RCL1: variants seen among roughly 807,000 people sequenced by gnomAD.
The protein encoded by RCL1 is RNA terminal phosphate cyclase like 1.
In RCL1, 24 loss-of-function variants were observed where a neutral mutation model predicts 42.4. That is an observed-to-expected ratio of 0.57 (90% confidence interval 0.41 to 0.80). The LOEUF (loss-of-function observed/expected upper bound fraction) is 0.80, where lower values mean the gene tolerates loss of function less well. Among genes scored for constraint, RCL1 ranks in the 30% least tolerant of loss-of-function variants. The probability of loss-of-function intolerance (pLI) is 0.00; values close to 1 mark genes in which losing one functional copy is unlikely to be tolerated. For missense variants in RCL1, 578 were observed against 467.9 expected (o/e 1.24, Z -2.17); for synonymous variants, 228 against 177.3 (o/e 1.29, Z -2.27).
intron 4 of RCL1, 142 bp from the exon 5 acceptor site, chr9:4,833,999 C>T: frequency 3.3e-6 from 3 of 905,866 alleles, no homozygotes; most frequent in Non-Finnish European, 4.8e-6. Context: ...TGCTGTTGGT[C>T]TTGAAGGGAA....
chr9:4,831,075 T>G (rs1816926768), intron 3 of RCL1, among the ~76,000 whole-genome samples: 1 of 152,144 alleles, frequency 6.6e-6, no homozygotes. Flanking sequence ...GGGAATTGTC[T>G]AGGGTCTAAC....
chr9:4,835,033 A>G (rs1587719343), intron 5 of RCL1, among the ~76,000 whole-genome samples: 2 of 152,340 alleles, frequency 1.3e-5, no homozygotes, highest in Middle Eastern at 6.8e-3. Flanking sequence ...AGAAAGGAGG[A>G]GGGCTTCAGG....
At chr9:4,833,867 A>G (rs1373702235) in intron 4 of RCL1, among the ~76,000 whole-genome samples, 1 of 152,260 alleles carries the variant, frequency 6.6e-6, no homozygotes, top group Non-Finnish European at 1.5e-5. Flanking sequence ...GGTCAGCTCT[A>G]TATTTTAAGG....
intron 1 of RCL1, among the ~76,000 whole-genome samples, chr9:4,795,063 A>G (rs1842892029): frequency 6.6e-6 from 1 of 151,024 alleles, no homozygotes; most frequent in Non-Finnish European, 1.5e-5. Flanking sequence ...AACCTTGTAG[A>G]TGTTTGTCTG....
chr9:4,800,578 C>G (rs1182803627), intron 1 of RCL1, among the ~76,000 whole-genome samples: 1 of 151,312 alleles, frequency 6.6e-6, no homozygotes, highest in African/African-American at 2.4e-5. Flanking sequence ...CCCAGGAGTG[C>G]TCTTGCAGGG....
In RCL1 at chr9:4,849,517, C is replaced by A. The variant is rs748917505; in HGVS notation, c.938C>A (p.Ser313Tyr). 1.2e-6 allele frequency: 2 copies of A among 1,613,628 alleles called. No individual in the cohort carries two copies. The highest frequency in any genetic ancestry group is 3.3e-5 in the Admixed American group (2 of 59,984). Residue 313 changes from serine to tyrosine, a missense_variant, in exon 8 of 9, where the codon TCC becomes TAC. Coordinates refer to ENST00000381750, the MANE Select transcript of RCL1 (RefSeq NM_005772.5). ...LLMTLGQQDV[S>Y]KVLLGPLSPY... ...ATGACCCTTGGACAGCAGGATGTTT[C>A]CAAAGTCCTGCTAGGCCCTCTCTCT... is the stretch of plus-strand genomic sequence containing the variant.
chr9:4,845,138 G>T (rs1360341443), intron 7 of RCL1, among the ~76,000 whole-genome samples: 1 of 152,142 alleles, frequency 6.6e-6, no homozygotes, highest in African/African-American at 2.4e-5. Context: ...TAAAACAATA[G>T]CAACAGGCTA....
intron 1 of RCL1, among the ~76,000 whole-genome samples, chr9:4,819,096 A>C (rs1302995297): frequency 6.6e-6 from 1 of 152,210 alleles, no homozygotes; most frequent in Non-Finnish European, 1.5e-5. Flanking sequence ...TATTTTAAGA[A>C]ATATGCACAT....
At chr9:4,821,192 G>A (rs1270018014) in intron 1 of RCL1, among the ~76,000 whole-genome samples, 1 of 152,180 alleles carries the variant, frequency 6.6e-6, no homozygotes, top group Non-Finnish European at 1.5e-5. Flanking sequence ...TGAGCCTGAA[G>A]CAGGAGGATC....
At chr9:4,841,805 G>T (rs547929339) in intron 6 of RCL1, among the ~76,000 whole-genome samples, 1 of 152,278 alleles carries the variant, frequency 6.6e-6, no homozygotes, top group East Asian at 1.9e-4. Context: ...TATTGCAGAC[G>T]TGAATTTGGT....
intron 3 of RCL1, 61 bp downstream of exon 3, chr9:4,827,094 T>C (rs759165918): frequency 8.1e-6 from 13 of 1,609,072 alleles, no homozygotes; most frequent in East Asian, 2.2e-5. Context: ...CAACCCAACT[T>C]GTGAGAAAAA....
chr9:4,818,304 C>G (rs896707824), intron 1 of RCL1, among the ~76,000 whole-genome samples: 1 of 152,042 alleles, frequency 6.6e-6, no homozygotes, highest in Non-Finnish European at 1.5e-5. Context: ...CTATACAATA[C>G]ATTTTATTAT....
At chr9:4,816,684 GTTAT>G (rs1474790808) in intron 1 of RCL1, among the ~76,000 whole-genome samples, 1 of 152,088 alleles carries the variant, frequency 6.6e-6, no homozygotes, top group Admixed American at 6.5e-5. Context: ...TTTCTGAGAT[GTTAT>G]TTAAGATTTT....
chr9:4,823,923 G>A (rs546042694), intron 2 of RCL1, among the ~76,000 whole-genome samples: 5 of 152,012 alleles, frequency 3.3e-5, no homozygotes, highest in South Asian at 4.2e-4. Flanking sequence ...AAAAAATACC[G>A]TGTTCCGATG....
At chr9:4,818,443 T>C (rs1338424458) in intron 1 of RCL1, among the ~76,000 whole-genome samples, 1 of 152,218 alleles carries the variant, frequency 6.6e-6, no homozygotes, top group African/African-American at 2.4e-5. Context: ...ACATACATAT[T>C]TGCAAGTGAG....
chr9:4,804,074 T>G (rs1843053048), intron 1 of RCL1: 1 of 152,362 alleles, frequency 6.6e-6, no homozygotes, highest in African/African-American at 2.4e-5. Context: ...TCCTCCAAGA[T>G]GCAGGAACAG....
chr9:4,838,530 C>T (rs1023596582), intron 5 of RCL1, among the ~76,000 whole-genome samples: 11 of 152,194 alleles, frequency 7.2e-5, no homozygotes, highest in African/African-American at 2.4e-4. Context: ...AGTTTCTTTT[C>T]CTTGACTGTA....
At chr9:4,823,525 T>G (rs2130999261) in intron 1 of RCL1, 23 bp from the exon 2 acceptor site, 1 of 1,590,286 alleles carries the variant, frequency 6.3e-7, no homozygotes. Context: ...TCTCTTTTCT[T>G]CACAGATTTT....
intron 1 of RCL1, among the ~76,000 whole-genome samples, chr9:4,818,520 A>C (rs1816474852): frequency 6.6e-6 from 1 of 152,190 alleles, no homozygotes; most frequent in Admixed American, 6.5e-5. Flanking sequence ...GGATTTAATG[A>C]GGAAAGGAAT....
Sources: gnomAD v4.1 joint callset for allele counts (sites outside exome capture counted in the v4.1 genomes callset) on GRCh38, gnomAD v4.1.1 for gene constraint, MANE v1.5 for transcripts, NCBI Gene and HGNC (gene_info 2026-07-23, HGNC 2026-07-21) for gene names.